CEP85: variants seen among roughly 807,000 people sequenced by gnomAD.
CEP85 encodes the protein centrosomal protein 85.
CEP85 carries 58 observed loss-of-function variants against 93.7 expected under a neutral mutation model. The observed-to-expected ratio is 0.62, with a 90% CI of 0.50 to 0.77. The LOEUF (loss-of-function observed/expected upper bound fraction) is 0.77. CEP85 is among the 30% of genes least tolerant of loss of function. The pLI is 0.00. For missense variants in CEP85, 868 were observed against 922.0 expected, an observed-to-expected ratio of 0.94 and a Z score of 0.76; for synonymous variants, 314 against 338.6, an observed-to-expected ratio of 0.93 and a Z score of 0.80.
intron 8 of CEP85, among the ~76,000 whole-genome samples, chr1:26,268,897 C>G (rs1235397026): frequency 6.6e-6 from 1 of 152,166 alleles, no homozygotes; most frequent in East Asian, 1.9e-4. Flanking sequence ...CTCTTTGATT[C>G]ACTATTTTAA....
chr1:26,272,203 C>A, intron 11 of CEP85, 132 bp downstream of exon 11: 1 of 862,844 alleles, frequency 1.2e-6, no homozygotes, highest in Non-Finnish European at 1.9e-6. Flanking sequence ...GAGACCCAGT[C>A]AGTGCTTTTG....
chr1:26,252,271 A>G (rs1569990924), intron 3 of CEP85, among the ~76,000 whole-genome samples: 2 of 141,468 alleles, frequency 1.4e-5, no homozygotes, highest in African/African-American at 5.4e-5. Context: ...AGTGGCTCAC[A>G]CCTGTAATCC....
In CEP85 at chr1:26,255,599, A is replaced by G. The variant is rs2124582090; in HGVS notation, c.637A>G (p.Ser213Gly). ...HRVRFHNPRTSTSKELYRVLP... is the reference protein window; with the variant it reads ...HRVRFHNPRTGTSKELYRVLP... ...AGTCCGCTTCCACAACCCAAGAACC[A>G]GCACAAGTAAGGAGTTGTACAGAGT... The change falls in exon 4 of 14, where the codon AGC (serine) becomes GGC (glycine). Residue 213 changes from serine to glycine, a missense_variant. By Grantham distance (56) the Ser-to-Gly change is moderately conservative (BLOSUM62 0). Coordinates refer to ENST00000451429, the MANE Select transcript of CEP85 (RefSeq NM_001319944.2). 6.2e-7 allele frequency: 1 copy of G among 1,614,126 alleles called. No homozygotes were observed.
At chr1:26,271,926 A>T in intron 10 of CEP85, 95 bp from the exon 11 acceptor site, 1 of 1,019,074 alleles carries the variant, frequency 9.8e-7, no homozygotes, top group Non-Finnish European at 1.5e-6. Context: ...TAATGGTCTA[A>T]TAGCCAGACC....
intron 8 of CEP85, chr1:26,269,214 G>A (rs1281124010): frequency 5.1e-5 from 25 of 490,168 alleles, no homozygotes; most frequent in Non-Finnish European, 8.9e-5. Flanking sequence ...CTAGCCAATA[G>A]GGGAACGACA....
At chr1:26,236,240 G>A (rs575107703) in intron 1 of CEP85, among the ~76,000 whole-genome samples, 1 of 152,186 alleles carries the variant, frequency 6.6e-6, no homozygotes, top group Non-Finnish European at 1.5e-5. Context: ...TCATAGGGTT[G>A]ATGTGAACAT....
Position 26,269,480 on chromosome 1 carries a change from G to T in CEP85, c.1515G>T (p.Lys505Asn). ...CTCAGCTTAAGGATTCTGAGTTGAA[G>T]AGCACAGAGCTGCAGGAGAAAGTGA... ...QSQQLKDSEL[K>N]STELQEKVTE... Residue 505 changes from lysine (K) to asparagine (N), a missense_variant, in exon 9 of 14, where the codon AAG (lysine) becomes AAT (asparagine). Lys to Asn is a moderately conservative substitution (Grantham distance 94, BLOSUM62 0). Coordinates refer to ENST00000451429, the MANE Select transcript of CEP85 (RefSeq NM_001319944.2). 6.2e-7 allele frequency: 1 copy of T among 1,614,188 alleles called. No homozygotes were observed. The highest frequency in any genetic ancestry group is 1.1e-5 in the South Asian group (1 of 91,076).
chr1:26,273,080 T>C (rs1002392920), intron 11 of CEP85, among the ~76,000 whole-genome samples: 12 of 152,148 alleles, frequency 7.9e-5, no homozygotes, highest in Admixed American at 7.9e-4. Context: ...TAAGGCAGCA[T>C]AGCAGCGAGG....
intron 3 of CEP85, chr1:26,254,616 C>T (rs1416783438): frequency 6.5e-6 from 1 of 154,398 alleles, no homozygotes; most frequent in Non-Finnish European, 1.4e-5. Flanking sequence ...CAGAATCCTG[C>T]CTCAGATGCC....
At chr1:26,268,707 C>A (rs878867932) in intron 8 of CEP85, 72 bp downstream of exon 8, 1 of 1,379,406 alleles carries the variant, frequency 7.2e-7, no homozygotes. Context: ...TCATCATCTG[C>A]TGTATGCAGT....
At chr1:26,258,464 G>A (rs535802151) in intron 6 of CEP85, among the ~76,000 whole-genome samples, 1 of 152,182 alleles carries the variant, frequency 6.6e-6, no homozygotes. Flanking sequence ...TGAAAGTCCA[G>A]ATGCCTGGGT....
chr1:26,265,060 T>C (rs114341900), intron 7 of CEP85, among the ~76,000 whole-genome samples: 2,537 of 145,024 alleles, frequency 0.017, 78 homozygotes, highest in African/African-American at 0.061. Context: ...TCTTGGCCAC[T>C]GCAGCCTCCA....
chr1:26,257,105 T>A (rs913817585), intron 4 of CEP85, among the ~76,000 whole-genome samples: 10 of 152,150 alleles, frequency 6.6e-5, no homozygotes, highest in Non-Finnish European at 1.2e-4. Flanking sequence ...TAATTTTTTG[T>A]ATTTTTTATT....
chr1:26,239,874 C>G, intron 2 of CEP85, 36 bp downstream of exon 2: 1 of 1,507,016 alleles, frequency 6.6e-7, no homozygotes. Context: ...TAAATTCTGA[C>G]CTTTGTTCTG....
intron 7 of CEP85, among the ~76,000 whole-genome samples, chr1:26,261,789 C>G (rs988757263): frequency 3.3e-5 from 5 of 151,826 alleles, no homozygotes; most frequent in African/African-American, 1.2e-4. Flanking sequence ...CAAAAGTTGC[C>G]CATATAATAC....
intron 11 of CEP85, among the ~76,000 whole-genome samples, chr1:26,272,628 T>TTTA (rs2089993341): frequency 7.3e-6 from 1 of 136,886 alleles, no homozygotes; most frequent in Non-Finnish European, 1.6e-5. Flanking sequence ...TTTTTTTTTT[T>TTTA]TTTTTTTTTT....
At chr1:26,260,997 G>A (rs900799121) in intron 7 of CEP85, among the ~76,000 whole-genome samples, 3 of 151,062 alleles carry the variant, frequency 2.0e-5, no homozygotes, top group African/African-American at 7.3e-5. Flanking sequence ...CACCATGTTG[G>A]CCAGGCTGGT....
At chr1:26,265,674 T>C (rs1293213986) in intron 7 of CEP85, among the ~76,000 whole-genome samples, 1 of 152,210 alleles carries the variant, frequency 6.6e-6, no homozygotes, top group African/African-American at 2.4e-5. Flanking sequence ...CTCTTGAGAA[T>C]TGGGAGGAGC....
chr1:26,255,527 A>G lies in CEP85; in HGVS notation c.565A>G (p.Asn189Asp), dbSNP rs771503845. ...FDIPSMESTLNQSAMMETLYS... is the reference protein window; with the variant it reads ...FDIPSMESTLDQSAMMETLYS... ...TATTCCTAGCATGGAATCTACCCTC[A>G]ATCAGTCGGCAATGATGGAGACACT... Residue 189 changes from asparagine (N) to aspartate (D), a missense_variant, in exon 4 of 14, where the codon AAT (asparagine) becomes GAT (aspartate). Asn to Asp is a conservative substitution (Grantham distance 23, BLOSUM62 1). Coordinates refer to ENST00000451429, the MANE Select transcript of CEP85 (RefSeq NM_001319944.2). 3.1e-6 allele frequency: 5 copies of G among 1,614,146 alleles called. No homozygotes were observed. The South Asian group carries it at 5.5e-5, about 18-fold the overall frequency.
Sources: allele counts gnomAD v4.1 joint callset (sites outside exome capture counted in the v4.1 genomes callset), GRCh38; gene constraint gnomAD v4.1.1; transcripts MANE v1.5; gene names NCBI Gene and HGNC (gene_info 2026-07-23, HGNC 2026-07-21).